SLC28A3: variants seen among roughly 807,000 people sequenced by gnomAD.
SLC28A3 encodes solute carrier family 28 member 3.
A neutral mutation model predicts 84.2 loss-of-function variants in SLC28A3; 68 were observed. The observed-to-expected ratio is 0.81, with a 90% CI of 0.66 to 0.99. The LOEUF is 0.99. Among genes scored for constraint, SLC28A3 ranks in the 50% least tolerant of loss-of-function variants. The probability of loss-of-function intolerance (pLI) is 0.00; values close to 1 mark genes in which losing one functional copy is unlikely to be tolerated. For missense variants in SLC28A3, 712 were observed against 841.5 expected (o/e 0.85, Z 1.90); for synonymous variants, 267 against 303.6 (o/e 0.88, Z 1.25).
At chr9:84,292,497 G>T in intron 10 of SLC28A3, 171 bp downstream of exon 10, 2 of 482,234 alleles carry the variant, frequency 4.1e-6, no homozygotes, top group South Asian at 5.4e-5. Context: ...CTCTCTCTCT[G>T]TCTCTCTCTC....
intron 1 of SLC28A3, among the ~76,000 whole-genome samples, chr9:84,330,094 G>A (rs1171080255): frequency 6.6e-6 from 1 of 151,630 alleles, no homozygotes; most frequent in Non-Finnish European, 1.5e-5. Context: ...GGAGACAAAT[G>A]AAATATAGAC....
At chr9:84,338,912 C>T (rs1827067122) in intron 1 of SLC28A3, among the ~76,000 whole-genome samples, 1 of 151,182 alleles carries the variant, frequency 6.6e-6, no homozygotes, top group African/African-American at 2.5e-5. Flanking sequence ...TCTGCCCTCC[C>T]CCATCCCCCA....
At chr9:84,290,890 G>C (rs114548321) in intron 10 of SLC28A3, among the ~76,000 whole-genome samples, 4 of 151,998 alleles carry the variant, frequency 2.6e-5, no homozygotes, top group African/African-American at 9.7e-5. Context: ...ACAGGTGCCC[G>C]CAGGCCCTTC....
At chr9:84,366,574 A>T in the SLC28A3 span, among the ~76,000 whole-genome samples, 1 of 152,116 alleles carries the variant, frequency 6.6e-6, no homozygotes, top group South Asian at 2.1e-4. Flanking sequence ...GAGTGTTGTA[A>T]TCTAAGCTAT....
At chr9:84,297,178 G>A (rs765167642) in intron 8 of SLC28A3, 43 bp downstream of exon 8, 34 of 1,535,550 alleles carry the variant, frequency 2.2e-5, no homozygotes, top group Middle Eastern at 3.4e-4. Flanking sequence ...GACAGAAGCC[G>A]CTGAAATAGC....
At chr9:84,343,240 GGTT>G (rs1440071547), upstream of SLC28A3, among the ~76,000 whole-genome samples, 1 of 152,062 alleles carries the variant, frequency 6.6e-6, no homozygotes, top group African/African-American at 2.4e-5. Flanking sequence ...CCGGGCACAG[GGTT>G]GAGTGGTGAC....
At chr9:84,288,902 T>A (rs1178693883) in intron 11 of SLC28A3, among the ~76,000 whole-genome samples, 1 of 152,164 alleles carries the variant, frequency 6.6e-6, no homozygotes, top group Non-Finnish European at 1.5e-5. Context: ...GAGAAGGGAC[T>A]CATGATTCAT....
chr9:84,336,439 G>A (rs1298187634), intron 1 of SLC28A3, among the ~76,000 whole-genome samples: 4 of 152,204 alleles, frequency 2.6e-5, no homozygotes, highest in Non-Finnish European at 5.9e-5. Flanking sequence ...AGGAGGTGGA[G>A]GTTGCAGTGA....
intron 12 of SLC28A3, 139 bp downstream of exon 12, chr9:84,287,909 G>T: frequency 8.6e-7 from 1 of 1,163,226 alleles, no homozygotes; most frequent in Non-Finnish European, 1.2e-6. Context: ...TTTCTGTGAA[G>T]TCTAAATAGT....
the SLC28A3 span, among the ~76,000 whole-genome samples, chr9:84,355,499 C>T: frequency 2.0e-5 from 3 of 152,242 alleles, no homozygotes; most frequent in South Asian, 6.2e-4. Flanking sequence ...TACATGGGTC[C>T]ACCAGATATC....
rs1279162401 is a variant in SLC28A3 at position 84,302,247 on chromosome 9, C to T, written c.477G>A (p.Leu159=). 1 of 1,614,176 alleles carries T rather than the reference C, an allele frequency of 6.2e-7. No individual in the cohort carries two copies. The highest frequency in any genetic ancestry group is 1.1e-5 in the South Asian group (1 of 91,086). The part of the protein sequence containing the change: ...AKYEHRIDEM[L]SPGRRLLNSH... ...TGTTTAGAAGCCTTCTGCCAGGAGA[C>T]AGCATCTCATCAATTCGATGTTCGT... The change falls in exon 5 of 18, where the codon CTG becomes CTA. Residue 159 remains leucine (L), a synonymous_variant. Transcript: ENST00000376238.
the SLC28A3 span, among the ~76,000 whole-genome samples, chr9:84,361,911 A>AAAATAAATAAATAAATAAATAAAT: frequency 0.025 from 3,715 of 151,060 alleles, 64 homozygotes; most frequent in African/African-American, 0.044. Context: ...TCTGTCTCTA[A>AAAATAAATAAATAAATAAATAAAT]AAATAAATAA....
chr9:84,299,020 G>A (rs1825524210), intron 6 of SLC28A3, among the ~76,000 whole-genome samples: 1 of 152,102 alleles, frequency 6.6e-6, no homozygotes, highest in Non-Finnish European at 1.5e-5. Context: ...TTTTCCTTGG[G>A]TCTTGCTTTT....
chr9:84,302,008 A>G (rs1460454345), intron 5 of SLC28A3, among the ~76,000 whole-genome samples, 192 bp downstream of exon 5: 1 of 152,230 alleles, frequency 6.6e-6, no homozygotes, highest in Non-Finnish European at 1.5e-5. Context: ...TACATTTCAA[A>G]TGAGTCATTG....
upstream of SLC28A3, among the ~76,000 whole-genome samples, chr9:84,342,937 A>G (rs1827193863): frequency 6.6e-6 from 1 of 152,056 alleles, no homozygotes; most frequent in Non-Finnish European, 1.5e-5. Flanking sequence ...GCCGAGGCAG[A>G]TGGATCATGA....
intron 8 of SLC28A3, among the ~76,000 whole-genome samples, chr9:84,295,019 C>T (rs188273427): frequency 9.2e-5 from 14 of 152,090 alleles, no homozygotes; most frequent in Non-Finnish European, 1.6e-4. Context: ...CAAACAGTAG[C>T]GGTTCTCCTC....
the SLC28A3 span, among the ~76,000 whole-genome samples, chr9:84,352,349 A>G: frequency 6.6e-6 from 1 of 151,878 alleles, no homozygotes; most frequent in African/African-American, 2.4e-5. Flanking sequence ...ACACCTGGCT[A>G]ATTTTTTGTA....
At chr9:84,290,012 A>G in intron 11 of SLC28A3, 142 bp downstream of exon 11, 2 of 1,083,548 alleles carry the variant, frequency 1.8e-6, no homozygotes, top group Non-Finnish European at 2.5e-6. Flanking sequence ...CAAATGCCAA[A>G]GCAACTGTGA....
rs11568406 is a variant in SLC28A3 at position 84,288,236 on chromosome 9, G to A, written c.1150-58C>T. 1.1e-3 allele frequency: 1,773 copies of A among 1,609,042 alleles called. 14 individuals are homozygous for A. The African/African-American group carries it at 0.019, about 17-fold the overall frequency. ...GATTAGCTTTTTTCTTGTGTTCAGA[G>A]GAAGGGTCCAAGAGCTCCGCAAGGG... On this transcript the variant is annotated intron_variant, in intron 11 of 17. Coordinates refer to ENST00000376238, the MANE Select transcript of SLC28A3 (RefSeq NM_001199633.2).
Sources: gnomAD v4.1 joint callset for allele counts (sites outside exome capture counted in the v4.1 genomes callset) on GRCh38, gnomAD v4.1.1 for gene constraint, MANE v1.5 for transcripts, NCBI Gene and HGNC (gene_info 2026-07-23, HGNC 2026-07-21) for gene names.